TMEM63C: variants seen among roughly 807,000 people sequenced by gnomAD.
TMEM63C encodes osmosensitive cation channel TMEM63C.
TMEM63C carries 32 observed loss-of-function variants against 99.2 expected under a neutral mutation model. That is an observed-to-expected ratio of 0.32 (90% confidence interval 0.24 to 0.43). The LOEUF is 0.43. Ranked by LOEUF, TMEM63C falls within the 20% of genes least tolerant of loss-of-function variation. TMEM63C has a pLI of 1.00. For synonymous variants in TMEM63C, 376 were observed against 397.9 expected, an observed-to-expected ratio of 0.94 and a Z score of 0.66; for missense variants, 826 against 1,053.0, an observed-to-expected ratio of 0.78 and a Z score of 2.98.
intron 23 of TMEM63C, among the ~76,000 whole-genome samples, chr14:77,256,186 G>T (rs1370760441): frequency 6.6e-6 from 1 of 152,196 alleles, no homozygotes; most frequent in Non-Finnish European, 1.5e-5. Flanking sequence ...AGGAAAGAGG[G>T]TCTCTCCAGA....
chr14:77,219,929 A>C, intron 4 of TMEM63C, 77 bp from the exon 5 acceptor site: 1 of 1,356,724 alleles, frequency 7.4e-7, no homozygotes, highest in Non-Finnish European at 1.0e-6. Flanking sequence ...TCAGCCAGGG[A>C]GTGGGGAGGG....
At chr14:77,220,620 AGCTGGGGACCAAGTCCTGCCTCATGGC>A (rs1235948218) in intron 5 of TMEM63C, among the ~76,000 whole-genome samples, 1 of 152,058 alleles carries the variant, frequency 6.6e-6, no homozygotes, top group Admixed American at 6.5e-5. Flanking sequence ...CTGGTCTGGG[AGCTGGGGACCAAGTCCTGCCTCATGGC>A]GCTGTCTTCC....
At chr14:77,218,113 T>C (rs932854837) in intron 2 of TMEM63C, among the ~76,000 whole-genome samples, 10 of 152,000 alleles carry the variant, frequency 6.6e-5, no homozygotes, top group African/African-American at 2.4e-4. Context: ...AAAGGATAAA[T>C]GCTCGAAAGG....
In TMEM63C at chr14:77,256,916, G is replaced by C. The variant is rs429443; in HGVS notation, c.*190G>C. ...ACCTGCTGCCCGGCTGGAACTGGGG[G>C]TGCTCGGCAGTGCTGAAGGAGCCTG... On this transcript the variant is annotated 3_prime_UTR_variant, in exon 24 of 24. Transcript: ENST00000298351. 0.24 allele frequency: 146,090 copies of C among 601,376 alleles called. 21,528 individuals carry two copies. The highest frequency in any genetic ancestry group is 0.63 in the East Asian group (22,589 of 35,882). 37.3% of individuals were successfully genotyped at this position (601,376 alleles called of 1,614,324 possible).
chr14:77,194,545 C>CTTTTTT (rs748865272), intron 1 of TMEM63C, among the ~76,000 whole-genome samples: 1 of 26,180 alleles, frequency 3.8e-5, no homozygotes, highest in Non-Finnish European at 8.1e-5. Context: ...TTCTTTCTTT[C>CTTTTTT]TTTCTTTCTC....
In TMEM63C at chr14:77,198,550, G is replaced by A. The variant is rs1015755936; in HGVS notation, c.-76-14896G>A. Among the ~76,000 whole-genome samples, 4 of 152,232 alleles carry A rather than the reference G, an allele frequency of 2.6e-5. 1 individual carries two copies. The East Asian group carries it at 7.7e-4, about 29-fold the overall frequency. ...CACTGCACGCATGGAGAGGGCACTTGGGAATTTGCCGCGATTCTGATCAGA... is the reference window on the plus strand; with the variant it reads ...CACTGCACGCATGGAGAGGGCACTTAGGAATTTGCCGCGATTCTGATCAGA... On this transcript the variant is annotated intron_variant, in intron 1 of 23. Transcript: ENST00000298351.
intron 9 of TMEM63C, among the ~76,000 whole-genome samples, 162 bp from the exon 10 acceptor site, chr14:77,238,531 TC>T (rs1168631224): frequency 1.3e-5 from 2 of 152,214 alleles, no homozygotes; most frequent in East Asian, 1.9e-4. Flanking sequence ...GCCCACAGTG[TC>T]CCAGCTTGGC....
intron 6 of TMEM63C, 49 bp downstream of exon 6, chr14:77,225,510 G>T: frequency 1.9e-6 from 3 of 1,604,206 alleles, no homozygotes; most frequent in Non-Finnish European, 2.6e-6. Context: ...CTTGGGGGTG[G>T]GGGGTGGAGG....
chr14:77,213,928 G>A (rs1888534607), intron 2 of TMEM63C, among the ~76,000 whole-genome samples: 1 of 152,158 alleles, frequency 6.6e-6, no homozygotes, highest in Admixed American at 6.5e-5. Flanking sequence ...TAATCTAGAG[G>A]GTGGGAGTGG....
intron 1 of TMEM63C, among the ~76,000 whole-genome samples, chr14:77,207,720 G>C (rs1402593908): frequency 6.6e-6 from 1 of 152,174 alleles, no homozygotes; most frequent in Non-Finnish European, 1.5e-5. Flanking sequence ...AGGAATAAAC[G>C]ATGTTCAGTG....
chr14:77,220,773 G>A (rs934393393), intron 5 of TMEM63C, among the ~76,000 whole-genome samples: 2 of 151,308 alleles, frequency 1.3e-5, no homozygotes, highest in Non-Finnish European at 2.9e-5. Context: ...CTGAGAGGGA[G>A]CCCTGAGAAC....
In TMEM63C at chr14:77,220,090, G is replaced by A. The variant is rs1888663627; in HGVS notation, c.312+3G>A. On this transcript the variant is annotated splice_donor_region_variant and intron_variant, in intron 5 of 23. Coordinates refer to ENST00000298351, the MANE Select transcript of TMEM63C (RefSeq NM_020431.4). ...TGGAGATGGAACGCAGAGACAAGGT[G>A]AGTGCTGGGAGCGGTCTGGGCGGTG... 1 of 1,555,666 alleles carries A rather than the reference G, an allele frequency of 6.4e-7. No individual in the cohort carries two copies. The highest frequency in any genetic ancestry group is 8.7e-7 in the Non-Finnish European group (1 of 1,149,634).
chr14:77,203,382 GAAAA>G (rs10554283), intron 1 of TMEM63C, among the ~76,000 whole-genome samples: 9,144 of 123,172 alleles, frequency 0.074, 334 homozygotes, highest in African/African-American at 0.12. Flanking sequence ...ACTCCATCTT[GAAAA>G]AAAAAAAAAA....
intron 1 of TMEM63C, among the ~76,000 whole-genome samples, chr14:77,197,751 C>A (rs188056174): frequency 1.2e-4 from 18 of 152,352 alleles, no homozygotes; most frequent in Admixed American, 1.1e-3. Context: ...AATGACTGTG[C>A]CCTAACTTCA....
rs1290798118 is a variant in TMEM63C, at chr14:77,219,487, C to T, written c.151-11C>T. ...AGTCTCCCACCCCACATTGCTTTTC[C>T]TGGCCTGTAGCTCGTCCTTGTGGTT... On this transcript the variant is annotated splice_polypyrimidine_tract_variant and intron_variant, in intron 3 of 23. Transcript: ENST00000298351. 1 of 1,613,886 alleles carries T rather than the reference C, an allele frequency of 6.2e-7. No individual in the cohort carries two copies. Among genetic ancestry groups the T allele is most frequent in the Admixed American group, 1.7e-5 (1 of 60,026 alleles).
Position 77,244,362 on chromosome 14 carries a change from C to T in TMEM63C, c.1355C>T (p.Thr452Ile). Residue 452 changes from threonine (T) to isoleucine (I), a missense_variant, in exon 16 of 24, where the codon ACC becomes ATC. Physicochemically the swap from Thr to Ile is moderately conservative, Grantham distance 89. Transcript: ENST00000298351. The part of the protein sequence containing the change: ...PIEKLQNPIV[T>I]QFFPSVMLWG... ...CTCCCCCTGCAGAACCCAATTGTGA[C>T]CCAGTTCTTCCCCTCTGTGATGCTC... 6.2e-7 allele frequency: 1 copy of T among 1,613,780 alleles called. No homozygotes were observed. Among genetic ancestry groups the T allele is most frequent in the Non-Finnish European group, 8.5e-7 (1 of 1,179,734 alleles).
intron 2 of TMEM63C, among the ~76,000 whole-genome samples, chr14:77,215,060 T>C (rs1455652274): frequency 6.6e-6 from 1 of 152,112 alleles, no homozygotes; most frequent in African/African-American, 2.4e-5. Flanking sequence ...CCCTACTAAG[T>C]CTTCCACACC....
intron 1 of TMEM63C, among the ~76,000 whole-genome samples, chr14:77,208,566 T>G (rs1476137951): frequency 6.6e-6 from 1 of 152,196 alleles, no homozygotes; most frequent in Non-Finnish European, 1.5e-5. Flanking sequence ...AGCTCTAATC[T>G]GTATCCAGAA....
In TMEM63C at chr14:77,253,370, C is replaced by T; in HGVS notation, c.2214C>T (p.Thr738=). The T allele has an allele frequency of 6.2e-7, 1 of 1,610,666 alleles. No individual in the cohort carries two copies. The highest frequency in any genetic ancestry group is 8.5e-7 in the Non-Finnish European group (1 of 1,178,774). Residue 738 remains threonine, a synonymous_variant, in exon 23 of 24, where the codon ACC becomes ACT. Transcript: ENST00000298351. ...CAAGCAGCACCTCCTCCACGCCCAC[C>T]TCCCTCGTGAGTCCTGAGTCCCAGG... ...MEPSSTSSTP[T]SLLYVATVLQ... is the part of the protein sequence containing the mutation.
Sources: allele counts gnomAD v4.1 joint callset (sites outside exome capture counted in the v4.1 genomes callset), GRCh38; gene constraint gnomAD v4.1.1; transcripts MANE v1.5; gene names NCBI Gene and HGNC (gene_info 2026-07-23, HGNC 2026-07-21).